The following ANK2 variants were observed in gnomAD, a reference collection of about 807,000 sequenced individuals.
ANK2 encodes the protein ankyrin-2.
ANK2 carries 83 observed loss-of-function variants against 360.5 expected under a neutral mutation model. The observed-to-expected ratio is 0.23, with a 90% CI of 0.19 to 0.28. The LOEUF (loss-of-function observed/expected upper bound fraction) is 0.28, where lower values mean the gene tolerates loss of function less well. Ranked by LOEUF, ANK2 falls within the 10% of genes least tolerant of loss-of-function variation. The pLI is 1.00. For missense variants in ANK2, 4,201 were observed against 4,795.7 expected (o/e 0.88, Z 3.66); for synonymous variants, 1,740 against 1,759.5 (o/e 0.99, Z 0.28).
intron 2 of ANK2, among the ~76,000 whole-genome samples, chr4:113,035,839 CT>C (rs2061472564): frequency 6.6e-6 from 1 of 151,806 alleles, no homozygotes; most frequent in African/African-American, 2.4e-5. Context: ...ATGTTTTATA[CT>C]GGATATGAGA....
rs867766251 is a variant in ANK2, at chr4:113,021,567, T to C, written c.21+117053T>C. Among the ~76,000 whole-genome samples, 467 of 127,706 alleles carry C rather than the reference T, an allele frequency of 3.7e-3. 27 individuals carry two copies. Among genetic ancestry groups the C allele is most frequent in the Middle Eastern group, 0.017 (4 of 234 alleles). 83.8% of individuals were successfully genotyped at this position (127,706 alleles called of 152,430 possible). On this transcript the variant is annotated intron_variant, in intron 2 of 30. Coordinates refer to the ANK2 transcript ENST00000503271. The stretch of plus-strand genomic sequence containing the variant: ...ATATATATATATATATATATATATA[T>C]ATATATATATATGCCAAGGAGCCTT...
At chr4:112,728,292 CAAAAAAAAAAAAA>C in the ANK2 span, among the ~76,000 whole-genome samples, 6 of 40,130 alleles carry the variant, frequency 1.5e-4, no homozygotes, top group East Asian at 2.1e-3. Context: ...GACTCTGTCT[CAAAAAAAAAAAAA>C]AAAAAAAAAA....
chr4:113,112,508 C>T (rs926572863), intron 1 of ANK2, among the ~76,000 whole-genome samples: 2 of 152,156 alleles, frequency 1.3e-5, no homozygotes, highest in Non-Finnish European at 2.9e-5. Flanking sequence ...TTTCCCTTCC[C>T]TCTGCCCACT....
intron 1 of ANK2, chr4:112,826,375 C>A: frequency 1.0e-6 from 1 of 999,264 alleles, no homozygotes; most frequent in Non-Finnish European, 1.5e-6. Context: ...TCACTGCAAC[C>A]TGAAAAGCCA....
chr4:112,927,967 G>A (rs2092765621), intron 2 of ANK2, among the ~76,000 whole-genome samples: 1 of 152,142 alleles, frequency 6.6e-6, no homozygotes. Context: ...AACTCCAGCT[G>A]TGCCATTAGC....
intron 1 of ANK2, chr4:113,070,022 C>T (rs142506913): frequency 2.0e-5 from 3 of 152,304 alleles, no homozygotes; most frequent in South Asian, 4.1e-4. Flanking sequence ...TGCCATTTCA[C>T]CCATAGTAGA....
At chr4:112,835,153 T>G (rs1051961254) in intron 1 of ANK2, among the ~76,000 whole-genome samples, 4 of 152,240 alleles carry the variant, frequency 2.6e-5, no homozygotes, top group Non-Finnish European at 4.4e-5. Context: ...GTTTTTGGCA[T>G]GCAGTGATTA....
At chr4:112,764,206 G>C in the ANK2 span, among the ~76,000 whole-genome samples, 3 of 152,014 alleles carry the variant, frequency 2.0e-5, no homozygotes, top group South Asian at 2.1e-4. Flanking sequence ...GCCTCCTAAA[G>C]TGTTGAGATT....
At chr4:113,094,477 G>C (rs2090071338) in intron 1 of ANK2, among the ~76,000 whole-genome samples, 2 of 152,068 alleles carry the variant, frequency 1.3e-5, no homozygotes, top group African/African-American at 4.8e-5. Flanking sequence ...GCACTAAGAG[G>C]ACCAGAAGGA....
At chr4:113,360,368 G>A (rs1248267640) in intron 38 of ANK2, among the ~76,000 whole-genome samples, 1 of 152,128 alleles carries the variant, frequency 6.6e-6, no homozygotes, top group Non-Finnish European at 1.5e-5. Flanking sequence ...AACATCTCTT[G>A]TGAATCTCTG....
intron 14 of ANK2, among the ~76,000 whole-genome samples, chr4:113,271,560 G>A (rs571738691): frequency 2.0e-5 from 3 of 151,902 alleles, no homozygotes; most frequent in Admixed American, 6.6e-5. Context: ...ACCCTCTCCC[G>A]AAGAAGAGAT....
intron 1 of ANK2, chr4:113,160,221 A>G (rs2097471730): frequency 2.2e-5 from 6 of 275,516 alleles, no homozygotes; most frequent in South Asian, 2.0e-4. Flanking sequence ...ATAGAATTAT[A>G]AAGGAAACTT....
the ANK2 span, among the ~76,000 whole-genome samples, chr4:112,799,175 T>A: frequency 1.3e-5 from 2 of 152,216 alleles, no homozygotes; most frequent in Non-Finnish European, 2.9e-5. Context: ...TAAATAACGT[T>A]CCATTGTATG....
chr4:113,011,526 A>G (rs2054721011), intron 2 of ANK2, among the ~76,000 whole-genome samples: 1 of 152,124 alleles, frequency 6.6e-6, no homozygotes, highest in South Asian at 2.1e-4. Context: ...GATTGTGAAA[A>G]TGTGACAAGA....
the ANK2 span, among the ~76,000 whole-genome samples, chr4:112,773,058 C>A: frequency 6.6e-6 from 1 of 151,762 alleles, no homozygotes; most frequent in African/African-American, 2.4e-5. Context: ...TGGCTCATAC[C>A]CGAAATCCCA....
the ANK2 span, among the ~76,000 whole-genome samples, chr4:112,728,288 G>A: frequency 1.6e-5 from 1 of 64,334 alleles, no homozygotes; most frequent in Admixed American, 3.1e-4. Flanking sequence ...GCGAGACTCT[G>A]TCTCAAAAAA....
intron 13 of ANK2, among the ~76,000 whole-genome samples, chr4:113,260,123 T>C (rs1943034477): frequency 6.6e-6 from 1 of 152,154 alleles, no homozygotes; most frequent in Admixed American, 6.5e-5. Context: ...AGTGGAGACT[T>C]TTACAAACTC....
Position 113,134,562 on chromosome 4 carries a change from C to CA in ANK2, c.85-39847dup, listed in dbSNP as rs529486049. Among the ~76,000 whole-genome samples, 18 of 151,708 alleles carry CA rather than the reference C, an allele frequency of 1.2e-4. No homozygotes were observed. The South Asian group carries it at 3.1e-3, about 26-fold the overall frequency. On this transcript the variant is annotated intron_variant, in intron 1 of 45. Coordinates refer to ENST00000357077, the MANE Select transcript of ANK2 (RefSeq NM_001148.6). ...TGTTCTCCTTGTTCCAGAGCAAGGA[C>CA]AAAAAAACTACCTTCTACCTTATCA...
intron 1 of ANK2, among the ~76,000 whole-genome samples, chr4:112,898,482 A>G (rs1269273165): frequency 6.6e-6 from 1 of 152,158 alleles, no homozygotes; most frequent in Non-Finnish European, 1.5e-5. Context: ...TGTTTTGATC[A>G]CAGAATAAAG....
Sources: allele counts gnomAD v4.1 joint callset (sites outside exome capture counted in the v4.1 genomes callset), GRCh38; gene constraint gnomAD v4.1.1; transcripts MANE v1.5; gene names NCBI Gene and HGNC (gene_info 2026-07-23, HGNC 2026-07-21).